Variants in USP34 observed in about 807,000 individuals in gnomAD.
USP34 encodes ubiquitin specific peptidase 34, also known as ubiquitin carboxyl-terminal hydrolase 34.
USP34 carries 70 observed loss-of-function variants against 460.3 expected under a neutral mutation model. That is an observed-to-expected ratio of 0.15 (90% CI 0.13 to 0.19). USP34 has a LOEUF of 0.19. USP34 is among the 10% of genes least tolerant of loss of function. USP34 has a pLI of 1.00. For synonymous variants in USP34, 1,647 were observed against 1,405.3 expected, an observed-to-expected ratio of 1.17 and a Z score of -3.85; for missense variants, 3,985 against 4,236.2, an observed-to-expected ratio of 0.94 and a Z score of 1.65.
rs571685883 is a variant in USP34, at chr2:61,391,389, C to T, written c.753+3464G>A. Among the ~76,000 whole-genome samples, 4 of 151,972 alleles carry T rather than the reference C, an allele frequency of 2.6e-5. No individual in the cohort carries two copies. The East Asian group carries it at 7.7e-4, about 29-fold the overall frequency. The stretch of plus-strand genomic sequence containing the variant: ...ACAGAATGGGATCATTTCCTGAGTC[C>T]CAGGAAATGCTATAAACATGTTCTC... On this transcript the variant is annotated intron_variant, in intron 5 of 79. Coordinates refer to ENST00000398571, the MANE Select transcript of USP34 (RefSeq NM_014709.4).
intron 3 of USP34, among the ~76,000 whole-genome samples, chr2:61,398,562 C>CG (rs1174647101): frequency 4.8e-5 from 1 of 20,796 alleles, no homozygotes; most frequent in Non-Finnish European, 7.6e-5. Context: ...GAGGCGGAAG[C>CG]GGGAAGAGGG....
chr2:61,395,016 G>C lies in USP34; in HGVS notation c.604-14C>G. The C allele has an allele frequency of 2.6e-6, 4 of 1,561,998 alleles. No individual in the cohort carries two copies. The South Asian group carries it at 3.7e-5, about 15-fold the overall frequency. On this transcript the variant is annotated splice_polypyrimidine_tract_variant and intron_variant, in intron 4 of 79. Transcript: ENST00000398571. ...TACTTCTACATCCTGGGAAAATAAA[G>C]AAAACATGTCATTATTTGAAAACGT...
chr2:61,317,995 C>T (rs1690801888), intron 22 of USP34, among the ~76,000 whole-genome samples: 1 of 151,854 alleles, frequency 6.6e-6, no homozygotes, highest in South Asian at 2.1e-4. Context: ...AGTTTTGAGA[C>T]CAGCCTGGGC....
intron 6 of USP34, among the ~76,000 whole-genome samples, 184 bp downstream of exon 6, chr2:61,383,085 A>G (rs1235030735): frequency 6.6e-6 from 1 of 152,236 alleles, no homozygotes; most frequent in Non-Finnish European, 1.5e-5. Flanking sequence ...ATAATTTACT[A>G]AAAAGTAACC....
chr2:61,359,175 G>C (rs562050293), intron 10 of USP34, among the ~76,000 whole-genome samples: 1 of 150,672 alleles, frequency 6.6e-6, no homozygotes, highest in African/African-American at 2.4e-5. Context: ...CTTGCAAAAA[G>C]AAAAAAAAGA....
At position 61,343,874 on chromosome 2, in the gene USP34, G is replaced by T; in HGVS notation, c.2441C>A (p.Ser814Tyr). Residue 814 changes from serine (S) to tyrosine (Y), a missense_variant, in exon 16 of 80, where the codon TCT becomes TAT. By Grantham distance (144) the Ser-to-Tyr change is moderately radical. Transcript: ENST00000398571. ...ATTGGGAAGATGTTGTTGGAGGTGA[G>T]ATGTCAGTTCCGCATGTGAATTAAT... ...VQINSHAELT[S>Y]HLQQHLPNLA... 1 of 1,614,020 alleles carries T rather than the reference G, an allele frequency of 6.2e-7. No homozygotes were observed. The highest frequency in any genetic ancestry group is 8.5e-7 in the Non-Finnish European group (1 of 1,179,946).
At chr2:61,456,795 A>G (rs1467586216) in intron 1 of USP34, among the ~76,000 whole-genome samples, 1 of 150,756 alleles carries the variant, frequency 6.6e-6, no homozygotes, top group Non-Finnish European at 1.5e-5. Flanking sequence ...TCAATTTACT[A>G]ACAGAGTAAA....
intron 27 of USP34, among the ~76,000 whole-genome samples, chr2:61,302,371 C>T (rs1690255569): frequency 6.6e-6 from 1 of 152,146 alleles, no homozygotes; most frequent in Non-Finnish European, 1.5e-5. Flanking sequence ...AAAAATATTT[C>T]AAACACAGAA....
intron 10 of USP34, among the ~76,000 whole-genome samples, chr2:61,354,497 A>C (rs971274278): frequency 6.6e-6 from 1 of 152,206 alleles, no homozygotes. Flanking sequence ...TTGCTAAAAG[A>C]CAGTTTCCCA....
intron 19 of USP34, 92 bp from the exon 20 acceptor site, chr2:61,331,463 A>T: frequency 1.9e-6 from 2 of 1,038,746 alleles, no homozygotes; most frequent in South Asian, 2.5e-5. Context: ...TCTAAAAAAA[A>T]TCTTCAAATG....
chr2:61,449,680 T>A (rs1344116242), intron 1 of USP34, among the ~76,000 whole-genome samples: 9 of 151,972 alleles, frequency 5.9e-5, no homozygotes, highest in African/African-American at 1.9e-4. Context: ...TACAGGCAAA[T>A]GACTTTCAAA....
intron 8 of USP34, among the ~76,000 whole-genome samples, chr2:61,371,017 G>C (rs73936129): frequency 0.025 from 3,881 of 152,244 alleles, 173 homozygotes; most frequent in African/African-American, 0.089. Context: ...AAGCCAAACT[G>C]TAAGTCTCCT....
intron 3 of USP34, among the ~76,000 whole-genome samples, chr2:61,399,483 TATA>T (rs2103915917): frequency 6.6e-6 from 1 of 152,176 alleles, no homozygotes; most frequent in South Asian, 2.1e-4. Flanking sequence ...CCTAAAATGT[TATA>T]ATCTCATTTT....
intron 29 of USP34, among the ~76,000 whole-genome samples, chr2:61,298,352 T>C (rs1320313590): frequency 1.0e-5 from 1 of 97,620 alleles, no homozygotes; most frequent in East Asian, 3.1e-4. Context: ...AAACCCTGTC[T>C]CTACAAAAAT....
chr2:61,302,308 C>T (rs1192530204), intron 27 of USP34, among the ~76,000 whole-genome samples: 1 of 152,108 alleles, frequency 6.6e-6, no homozygotes, highest in Non-Finnish European at 1.5e-5. Flanking sequence ...TTCATAATGA[C>T]ACATAACATT....
At chr2:61,248,272 G>A (rs951405430) in intron 49 of USP34, among the ~76,000 whole-genome samples, 3 of 150,596 alleles carry the variant, frequency 2.0e-5, no homozygotes, top group East Asian at 1.9e-4. Flanking sequence ...AGCAACAACC[G>A]TGCTTATCCT....
intron 10 of USP34, among the ~76,000 whole-genome samples, chr2:61,358,095 G>C (rs564251335): frequency 6.6e-6 from 1 of 152,248 alleles, no homozygotes; most frequent in East Asian, 1.9e-4. Flanking sequence ...AGGAGGCTGA[G>C]ACAGGAGAAT....
Position 61,445,180 on chromosome 2 carries a change from A to C in USP34, c.44-24347T>G, listed in dbSNP as rs76062252. Among the ~76,000 whole-genome samples the C allele has an allele frequency of 9.9e-3, 1,482 of 150,366 alleles. 37 individuals are homozygous for C. Among genetic ancestry groups the C allele is most frequent in the African/African-American group, 0.034 (1,390 of 40,844 alleles). The stretch of plus-strand genomic sequence containing the variant: ...GAACCACACTAAACACACACACACA[A>C]AAAAATGCTAAGAGAAAAAACTGTC... On this transcript the variant is annotated intron_variant, in intron 1 of 79. Transcript: ENST00000398571.
At chr2:61,408,249 A>G (rs1045490216) in intron 2 of USP34, among the ~76,000 whole-genome samples, 1 of 152,190 alleles carries the variant, frequency 6.6e-6, no homozygotes, top group South Asian at 2.1e-4. Flanking sequence ...CACCTTGACT[A>G]AAACATTATA....
Sources: allele counts gnomAD v4.1 joint callset (sites outside exome capture counted in the v4.1 genomes callset), GRCh38; gene constraint gnomAD v4.1.1; transcripts MANE v1.5; gene names NCBI Gene and HGNC (gene_info 2026-07-23, HGNC 2026-07-21).